Variants in IWS1 observed in about 807,000 individuals in gnomAD.
IWS1 encodes the protein interacts with SUPT6H, CTD assembly factor 1, also known as protein IWS1 homolog.
IWS1 carries 27 observed loss-of-function variants against 86.7 expected under a neutral mutation model. That is an observed-to-expected ratio of 0.31 (90% confidence interval 0.23 to 0.43). IWS1 has a LOEUF of 0.43. IWS1 is among the 20% of genes least tolerant of loss of function. The pLI is 1.00. For synonymous variants in IWS1, 313 were observed against 335.1 expected (o/e 0.93, Z 0.72); for missense variants, 827 against 1,000.8 (o/e 0.83, Z 2.34).
At position 127,505,667 on chromosome 2, in the gene IWS1, G is replaced by A. The variant is rs1461452646; in HGVS notation, c.236C>T (p.Ala79Val). 2.5e-6 allele frequency: 4 copies of A among 1,613,790 alleles called. No homozygotes were observed. The highest frequency in any genetic ancestry group is 2.2e-5 in the East Asian group (1 of 44,852). ...AAGCTCCTCACTTTCAGAGTCACTA[G>A]CATTAAGATTTAAGGGCTCATCGTT... ...SENDEPLNLN[A>V]SDSESEELHR... The change falls in exon 3 of 14, where the codon GCT becomes GTT. Residue 79 changes from alanine (A) to valine (V), a missense_variant. Physicochemically the swap from Ala to Val is moderately conservative, Grantham distance 64. Transcript: ENST00000295321. The surrounding 1 kb of genome is among the most constrained non-coding windows in gnomAD (Gnocchi z 5.0).
intron 8 of IWS1, chr2:127,494,556 G>A (rs1690413364): frequency 5.9e-6 from 1 of 168,722 alleles, no homozygotes; most frequent in South Asian, 1.8e-4. Context: ...AAGCCCAGGA[G>A]TTCAAGACAA....
At position 127,526,236 on chromosome 2, in the gene IWS1, C is replaced by A. The variant is rs1692407339; in HGVS notation, c.-28G>T. On this transcript the variant is annotated 5_prime_UTR_variant, in exon 1 of 14. Transcript: ENST00000295321. ...CAGGCGGACTCTCAGCGGGGAGTGTCCGCGCCCCGCGCCGCCCCCGTCACC... is the reference window on the plus strand; with the variant it reads ...CAGGCGGACTCTCAGCGGGGAGTGTACGCGCCCCGCGCCGCCCCCGTCACC... The A allele has an allele frequency of 1.2e-5, 18 of 1,552,384 alleles. No individual in the cohort carries two copies. In the East Asian group the frequency reaches 4.4e-4, roughly 38 times the overall value.
At position 127,505,230 on chromosome 2, in the gene IWS1, C is replaced by T; in HGVS notation, c.673G>A (p.Glu225Lys). The change falls in exon 3 of 14, where the codon GAA becomes AAA. Residue 225 changes from glutamate to lysine, a missense_variant. Transcript: ENST00000295321. The surrounding 1 kb of genome is among the most constrained non-coding windows in gnomAD (Gnocchi z 5.0). ...ELPKPQVSDS[E>K]SEEPPRHQAS... ...TGGTGCCTTGGGGGTTCCTCACTTT[C>T]TGAATCACTGACCTGAGGTTTAGGA... 6.2e-7 allele frequency: 1 copy of T among 1,614,122 alleles called. No homozygotes were observed. The highest frequency in any genetic ancestry group is 8.5e-7 in the Non-Finnish European group (1 of 1,179,986).
At position 127,498,259 on chromosome 2, in the gene IWS1, C is replaced by A. The variant is rs142939618; in HGVS notation, c.1468-22G>T. The A allele has an allele frequency of 1.1e-4, 181 of 1,600,770 alleles. No homozygotes were observed. In the African/African-American group the frequency reaches 2.2e-3, roughly 19 times the overall value. The stretch of plus-strand genomic sequence containing the variant: ...AACCCTAAATGCAAAATTATCACAA[C>A]CTCCTTACAGATTTTCTTCTGTATT... On this transcript the variant is annotated intron_variant, in intron 5 of 13. Transcript: ENST00000295321.
chr2:127,525,616 C>T (rs1385414889), intron 1 of IWS1, among the ~76,000 whole-genome samples: 1 of 152,130 alleles, frequency 6.6e-6, no homozygotes. Context: ...ACAGAATAAA[C>T]AAACAGTAAA....
chr2:127,522,940 T>G (rs1465321829), intron 2 of IWS1, among the ~76,000 whole-genome samples: 1 of 152,216 alleles, frequency 6.6e-6, no homozygotes, highest in Non-Finnish European at 1.5e-5. Flanking sequence ...CCAGGTGTGG[T>G]GGCTCACGCC....
upstream of IWS1, chr2:127,526,716 C>A (rs776492066): frequency 2.7e-4 from 350 of 1,298,994 alleles, 3 homozygotes; most frequent in Non-Finnish European, 3.3e-4. Flanking sequence ...ATTCTGTGTC[C>A]GTGCCTTGTT....
intron 6 of IWS1, 148 bp from the exon 7 acceptor site, chr2:127,496,296 A>C (rs982289540): frequency 2.3e-6 from 2 of 871,380 alleles, no homozygotes; most frequent in East Asian, 2.7e-5. Context: ...CATGCGCCGC[A>C]TAACGATGTT....
intron 8 of IWS1, among the ~76,000 whole-genome samples, chr2:127,494,245 TAAAAAA>T (rs11327472): frequency 1.1e-5 from 1 of 94,088 alleles, no homozygotes; most frequent in African/African-American, 4.3e-5. Context: ...TGTCTCTAAT[TAAAAAA>T]AAAAAAAAAA....
chr2:127,493,944 C>T (rs367791270), intron 8 of IWS1, among the ~76,000 whole-genome samples: 1 of 151,848 alleles, frequency 6.6e-6, no homozygotes, highest in South Asian at 2.1e-4. Context: ...AAACCTGCCA[C>T]AGATAGTTTC....
At position 127,502,961 on chromosome 2, in the gene IWS1, T is replaced by C. The variant is rs1343230478; in HGVS notation, c.1410-89A>G. The C allele has an allele frequency of 3.2e-5, 24 of 749,216 alleles. No homozygotes were observed. The East Asian group carries it at 6.0e-4, about 19-fold the overall frequency. 46.4% of individuals were successfully genotyped at this position (749,216 alleles called of 1,614,324 possible). On this transcript the variant is annotated intron_variant, in intron 4 of 13. Transcript: ENST00000295321. ...TTTAAAAAATAGAATTTATGTACAG[T>C]AAAATGTGCAGATCTTCAGTGTTCA... is the stretch of plus-strand genomic sequence containing the variant.
intron 2 of IWS1, among the ~76,000 whole-genome samples, chr2:127,520,946 A>C (rs1431835665): frequency 1.3e-5 from 2 of 152,250 alleles, no homozygotes; most frequent in African/African-American, 4.8e-5. Flanking sequence ...TAAAAGTATC[A>C]TCTTAAGTGA....
Position 127,493,393 on chromosome 2 carries a change from GTTTC to G in IWS1, c.1813_1816del (p.Glu605HisfsTer7). 6.2e-7 allele frequency: 1 copy of G among 1,608,950 alleles called. No individual in the cohort carries two copies. The highest frequency in any genetic ancestry group is 8.5e-7 in the Non-Finnish European group (1 of 1,178,248). ...AGACATCACACCACTGTCAATGAAT[GTTTC>G]TTTAAGGTCCTGCCTGCAGTAACAA... On this transcript the variant is annotated frameshift_variant, in exon 9 of 14. Coordinates refer to ENST00000295321, the MANE Select transcript of IWS1 (RefSeq NM_017969.3). LOFTEE classifies it high-confidence loss of function.
chr2:127,494,480 G>A (rs1301368649), intron 8 of IWS1: 1 of 153,692 alleles, frequency 6.5e-6, no homozygotes, highest in Non-Finnish European at 1.4e-5. Context: ...CAAAATTAGT[G>A]GCCAGGTGCA....
chr2:127,481,828 C>T (rs1689645924), intron 13 of IWS1, among the ~76,000 whole-genome samples: 1 of 149,892 alleles, frequency 6.7e-6, no homozygotes, highest in South Asian at 2.1e-4. Flanking sequence ...AGAGGCTGAG[C>T]ACATATAGTC....
chr2:127,498,067 C>A, intron 6 of IWS1, 73 bp downstream of exon 6: 1 of 1,194,280 alleles, frequency 8.4e-7, no homozygotes, highest in Non-Finnish European at 1.2e-6. Context: ...AAATGAAAAA[C>A]AAAAGAGAGT....
Position 127,499,093 on chromosome 2 carries a change from TTC to T in IWS1, c.1468-858_1468-857del, listed in dbSNP as rs1462452273. ...TATTTGCCAGGCATAATTTTTCTTT[TTC>T]TTTTTTTTTTTTTGAGACGGAGTCT... On this transcript the variant is annotated intron_variant, in intron 5 of 13. Transcript: ENST00000295321. The surrounding 1 kb of genome is among the most constrained non-coding windows in gnomAD (Gnocchi z 4.0). Among the ~76,000 whole-genome samples, 1 of 10,310 alleles carries T rather than the reference TTC, an allele frequency of 9.7e-5. No individual in the cohort carries two copies. 6.8% of individuals were successfully genotyped at this position (10,310 alleles called of 152,430 possible). A position where few individuals can be genotyped will look rare whatever the true frequency, so the allele number is the denominator to read the frequency against.
intron 2 of IWS1, among the ~76,000 whole-genome samples, chr2:127,507,386 C>G (rs1691202629): frequency 6.6e-6 from 1 of 152,158 alleles, no homozygotes; most frequent in Non-Finnish European, 1.5e-5. Context: ...TGAAATATAG[C>G]ACATTCAGGT....
chr2:127,526,556 G>A (rs1692433471), upstream of IWS1: 5 of 1,425,710 alleles, frequency 3.5e-6, no homozygotes, highest in East Asian at 1.4e-4. Flanking sequence ...ATGAGAAGAC[G>A]CAACAGCAAT....
Sources: allele counts gnomAD v4.1 joint callset (sites outside exome capture counted in the v4.1 genomes callset), GRCh38; gene constraint gnomAD v4.1.1; non-coding constraint Gnocchi (gnomAD v3.1); transcripts MANE v1.5; gene names NCBI Gene and HGNC (gene_info 2026-07-23, HGNC 2026-07-21).